The following ZBTB7C variants were observed in gnomAD, a reference collection of about 807,000 sequenced individuals.
ZBTB7C encodes zinc finger and BTB domain-containing protein 7C.
In ZBTB7C, 8 loss-of-function variants were observed where a neutral mutation model predicts 25.7. The ratio of observed to expected loss-of-function variants is 0.31; its 90% CI spans 0.18 to 0.56. ZBTB7C has a LOEUF of 0.56. Among genes scored for constraint, ZBTB7C ranks in the 20% least tolerant of loss-of-function variants. The pLI, the probability that ZBTB7C is intolerant of heterozygous loss-of-function variation, is 0.91. For missense variants in ZBTB7C, 824 were observed against 855.2 expected (o/e 0.96, Z 0.46); for synonymous variants, 394 against 369.0 (o/e 1.07, Z -0.78).
intron 3 of ZBTB7C, among the ~76,000 whole-genome samples, chr18:48,052,298 T>A (rs1326397091): frequency 6.6e-6 from 1 of 152,200 alleles, no homozygotes; most frequent in Non-Finnish European, 1.5e-5. Context: ...AGGGGCCATC[T>A]CCTCTAGTAG....
chr18:48,131,780 A>C (rs2039992947), intron 3 of ZBTB7C, among the ~76,000 whole-genome samples: 1 of 152,212 alleles, frequency 6.6e-6, no homozygotes, highest in Non-Finnish European at 1.5e-5. Flanking sequence ...TACCTATAGA[A>C]AGCAAGCATG....
At chr18:48,112,562 A>T (rs1240331129) in intron 3 of ZBTB7C, among the ~76,000 whole-genome samples, 1 of 151,966 alleles carries the variant, frequency 6.6e-6, no homozygotes, top group Admixed American at 6.6e-5. Context: ...TGGCCAGGCT[A>T]GTCTTGAACT....
intron 3 of ZBTB7C, among the ~76,000 whole-genome samples, chr18:48,065,532 T>C (rs2037296952): frequency 6.6e-6 from 1 of 152,188 alleles, no homozygotes; most frequent in African/African-American, 2.4e-5. Context: ...CTTTCCAAAC[T>C]TTTTCAGTCA....
At chr18:48,260,683 T>C (rs191760868) in intron 2 of ZBTB7C, among the ~76,000 whole-genome samples, 3 of 152,296 alleles carry the variant, frequency 2.0e-5, no homozygotes, top group Admixed American at 6.5e-5. Flanking sequence ...CTCTGACTCA[T>C]ATCTGGTGCG....
At chr18:48,165,426 A>G (rs140724776) in intron 3 of ZBTB7C, 5 of 319,324 alleles carry the variant, frequency 1.6e-5, no homozygotes, top group Non-Finnish European at 3.1e-5. Flanking sequence ...TTCAGAGAGC[A>G]AACTTGGGCA....
intron 3 of ZBTB7C, chr18:48,041,350 T>G (rs1218734352): frequency 1.5e-5 from 15 of 985,338 alleles, no homozygotes; most frequent in Non-Finnish European, 1.7e-5. Flanking sequence ...GGCTTCTCAC[T>G]GGGCAGCTGG....
At chr18:48,289,771 C>T (rs972847690) in intron 2 of ZBTB7C, among the ~76,000 whole-genome samples, 1 of 152,014 alleles carries the variant, frequency 6.6e-6, no homozygotes, top group Non-Finnish European at 1.5e-5. Context: ...CGCCCAGGTA[C>T]ATGTCTGAGC....
intron 2 of ZBTB7C, among the ~76,000 whole-genome samples, chr18:48,276,065 C>T (rs1297198433): frequency 1.3e-5 from 2 of 152,116 alleles, no homozygotes; most frequent in Non-Finnish European, 2.9e-5. Context: ...ATGACAAAGA[C>T]GGCAGCAACC....
At chr18:48,110,915 G>T (rs2039215701) in intron 3 of ZBTB7C, among the ~76,000 whole-genome samples, 1 of 152,164 alleles carries the variant, frequency 6.6e-6, no homozygotes, top group African/African-American at 2.4e-5. Flanking sequence ...GAGAAATCAG[G>T]CTTATTCCTT....
At chr18:48,049,784 A>ACTGTTGGTGCAATTCTATTG (rs2036611539) in intron 3 of ZBTB7C, among the ~76,000 whole-genome samples, 1 of 152,102 alleles carries the variant, frequency 6.6e-6, no homozygotes. Context: ...CAAGAATAGA[A>ACTGTTGGTGCAATTCTATTG]CTGTTGGTGC....
chr18:48,356,383 G>A (rs2046978546), intron 1 of ZBTB7C, among the ~76,000 whole-genome samples: 1 of 152,144 alleles, frequency 6.6e-6, no homozygotes. Context: ...GCCTTCCCTG[G>A]GCCCTGCTAG....
At chr18:48,388,929 C>A in intron 1 of ZBTB7C, among the ~76,000 whole-genome samples, 1 of 152,118 alleles carries the variant, frequency 6.6e-6, no homozygotes, top group Non-Finnish European at 1.5e-5. Context: ...GTTCTATGTT[C>A]TTAAGAGTTC....
intron 3 of ZBTB7C, among the ~76,000 whole-genome samples, chr18:48,153,378 A>C (rs779616853): frequency 1.2e-4 from 18 of 152,136 alleles, no homozygotes; most frequent in Non-Finnish European, 2.6e-4. Context: ...ATAGAGGGAG[A>C]GGAGCTAGAT....
At chr18:48,343,961 G>A (rs2046665570) in intron 1 of ZBTB7C, among the ~76,000 whole-genome samples, 1 of 152,098 alleles carries the variant, frequency 6.6e-6, no homozygotes, top group Non-Finnish European at 1.5e-5. Flanking sequence ...TGGAGCCATG[G>A]GGATGTGTGT....
At chr18:48,073,539 C>T (rs977505874) in intron 3 of ZBTB7C, among the ~76,000 whole-genome samples, 10 of 152,238 alleles carry the variant, frequency 6.6e-5, no homozygotes, top group Middle Eastern at 3.4e-3. Flanking sequence ...CGGGCAGGTA[C>T]GGACAGGCTC....
At chr18:48,283,383 C>T (rs899416025) in intron 2 of ZBTB7C, among the ~76,000 whole-genome samples, 1 of 151,908 alleles carries the variant, frequency 6.6e-6, no homozygotes, top group Admixed American at 6.6e-5. Flanking sequence ...TTCCAAATTC[C>T]CTGCAATGAA....
intron 2 of ZBTB7C, among the ~76,000 whole-genome samples, chr18:48,196,057 G>C (rs766881593): frequency 2.6e-5 from 4 of 152,208 alleles, no homozygotes; most frequent in Non-Finnish European, 4.4e-5. Flanking sequence ...CCTGTCCCAA[G>C]TGTTCCTCTA....
chr18:48,217,540 C>G (rs1034094805), intron 2 of ZBTB7C, among the ~76,000 whole-genome samples: 1 of 152,140 alleles, frequency 6.6e-6, no homozygotes, highest in Non-Finnish European at 1.5e-5. Flanking sequence ...AGCCAGCCAC[C>G]CTGAAGTCTT....
At chr18:48,355,290 T>C (rs1397941633) in intron 1 of ZBTB7C, among the ~76,000 whole-genome samples, 1 of 152,128 alleles carries the variant, frequency 6.6e-6, no homozygotes, top group Non-Finnish European at 1.5e-5. Context: ...AACAGAGAGA[T>C]CTCTGAGATA....
Sources: allele counts gnomAD v4.1 joint callset (sites outside exome capture counted in the v4.1 genomes callset), GRCh38; gene constraint gnomAD v4.1.1; transcripts MANE v1.5; gene names NCBI Gene and HGNC (gene_info 2026-07-23, HGNC 2026-07-21).